Variants in CSMD1 observed in about 807,000 individuals in gnomAD.
CSMD1 encodes CUB and Sushi multiple domains 1.
In CSMD1, 213 loss-of-function variants were observed where a neutral mutation model predicts 417.5. That is an observed-to-expected ratio of 0.51 (90% CI 0.46 to 0.57). CSMD1 has a LOEUF of 0.57. CSMD1 is among the 20% of genes least tolerant of loss of function. The pLI, the probability that CSMD1 is intolerant of heterozygous loss-of-function variation, is 0.00. For missense variants in CSMD1, 6,923 were observed against 4,529.7 expected (o/e 1.53, Z -15.17); for synonymous variants, 2,862 against 1,736.8 (o/e 1.65, Z -16.11).
chr8:4,183,877 T>C (rs571293310), intron 3 of CSMD1, among the ~76,000 whole-genome samples: 4 of 152,210 alleles, frequency 2.6e-5, no homozygotes, highest in South Asian at 2.1e-4. Flanking sequence ...AGTTTTTTAG[T>C]TGGGGCATGT....
At chr8:3,976,734 G>C (rs1364881440) in intron 5 of CSMD1, among the ~76,000 whole-genome samples, 3 of 152,084 alleles carry the variant, frequency 2.0e-5, no homozygotes, top group Non-Finnish European at 4.4e-5. Context: ...CCTATGAAGT[G>C]GGCCCCATTA....
intron 26 of CSMD1, among the ~76,000 whole-genome samples, chr8:3,270,268 G>A (rs908451337): frequency 5.9e-5 from 9 of 151,970 alleles, no homozygotes; most frequent in Admixed American, 5.2e-4. Flanking sequence ...ATGTTGGCCA[G>A]GCTGGCCTTG....
intron 1 of CSMD1, among the ~76,000 whole-genome samples, chr8:4,784,958 T>TAAA (rs144402924): frequency 2.0e-5 from 3 of 152,188 alleles, no homozygotes; most frequent in East Asian, 1.9e-4. Flanking sequence ...TCATAAGTGG[T>TAAA]AAAAAAATGC....
At chr8:3,244,232 T>G (rs151216720) in intron 26 of CSMD1, among the ~76,000 whole-genome samples, 1 of 152,314 alleles carries the variant, frequency 6.6e-6, no homozygotes, top group East Asian at 1.9e-4. Context: ...GGTGGAACAC[T>G]TTTTATTCTT....
intron 3 of CSMD1, among the ~76,000 whole-genome samples, chr8:4,291,144 G>C (rs1442808500): frequency 6.6e-6 from 1 of 151,920 alleles, no homozygotes; most frequent in African/African-American, 2.4e-5. Flanking sequence ...GTCTTAATAT[G>C]GTTTGGGGAT....
At chr8:3,473,786 A>G (rs893143356) in intron 11 of CSMD1, among the ~76,000 whole-genome samples, 1 of 152,162 alleles carries the variant, frequency 6.6e-6, no homozygotes, top group Non-Finnish European at 1.5e-5. Flanking sequence ...CTATGAAGAT[A>G]TTATCCAAGA....
At chr8:4,659,964 G>C (rs764481251) in intron 1 of CSMD1, among the ~76,000 whole-genome samples, 1 of 151,810 alleles carries the variant, frequency 6.6e-6, no homozygotes, top group Non-Finnish European at 1.5e-5. Flanking sequence ...GAATGAAGAA[G>C]AATTTCCTCA....
chr8:3,118,909 G>A lies in CSMD1; in HGVS notation c.6242-322C>T, dbSNP rs182875732. ...TAAGAAAGTAATACAGGCTGGGAGC[G>A]GTGGCTCACGCCTGTAATCCCAGCA... is the stretch of plus-strand genomic sequence containing the variant. On this transcript the variant is annotated intron_variant, in intron 41 of 69. Transcript: ENST00000635120. Among the ~76,000 whole-genome samples the A allele has an allele frequency of 8.5e-5, 13 of 152,256 alleles. No homozygotes were observed. The East Asian group carries it at 1.7e-3, about 20-fold the overall frequency.
chr8:4,920,929 AG>A (rs59049236), intron 1 of CSMD1, among the ~76,000 whole-genome samples: 31 of 63,490 alleles, frequency 4.9e-4, no homozygotes, highest in South Asian at 7.5e-4. Context: ...AAGAAAAGAA[AG>A]AGAGAAAGAA....
intron 1 of CSMD1, among the ~76,000 whole-genome samples, chr8:4,896,738 G>A (rs1010257993): frequency 1.3e-5 from 2 of 151,984 alleles, no homozygotes; most frequent in Non-Finnish European, 2.9e-5. Context: ...GGAGTCCTCC[G>A]ATTCTAAGCA....
chr8:4,904,567 CA>C (rs1001582668), intron 1 of CSMD1, among the ~76,000 whole-genome samples: 1 of 152,054 alleles, frequency 6.6e-6, no homozygotes, highest in African/African-American at 2.4e-5. Flanking sequence ...CACAGAATAT[CA>C]TTAAACACAT....
chr8:4,689,826 T>C (rs527280900), intron 1 of CSMD1, among the ~76,000 whole-genome samples: 172 of 152,258 alleles, frequency 1.1e-3, no homozygotes, highest in South Asian at 2.9e-3. Flanking sequence ...CAAAAGTCCC[T>C]TTCTGGTGCC....
chr8:3,556,547 CACA>C (rs747170022), intron 10 of CSMD1, among the ~76,000 whole-genome samples: 30 of 56,604 alleles, frequency 5.3e-4, no homozygotes, highest in Admixed American at 3.2e-3. Context: ...CACACACACA[CACA>C]CCCTCTCTCT....
intron 5 of CSMD1, among the ~76,000 whole-genome samples, chr8:3,973,763 T>A (rs1360077047): frequency 2.0e-5 from 3 of 152,324 alleles, no homozygotes; most frequent in East Asian, 3.9e-4. Flanking sequence ...AACCAACCAG[T>A]GTTTCATTAT....
chr8:3,526,215 C>A (rs192842917), intron 10 of CSMD1, among the ~76,000 whole-genome samples: 3 of 152,038 alleles, frequency 2.0e-5, no homozygotes, highest in Non-Finnish European at 4.4e-5. Context: ...AAGACTACAT[C>A]GTTTTTCCTT....
In CSMD1 at chr8:4,680,440, T is replaced by G. The variant is rs188221166; in HGVS notation, c.86-42882A>C. Among the ~76,000 whole-genome samples the G allele has an allele frequency of 2.2e-4, 33 of 152,288 alleles. 1 individual carries two copies. Among genetic ancestry groups the G allele is most frequent in the African/African-American group, 7.7e-4 (32 of 41,572 alleles). ...CCCTTTGAAACTACATTGAGTGACG[T>G]ACCATGTTCTCATCATCGTACCTTC... On this transcript the variant is annotated intron_variant, in intron 1 of 69. Coordinates refer to ENST00000635120, the MANE Select transcript of CSMD1 (RefSeq NM_033225.6).
intron 3 of CSMD1, among the ~76,000 whole-genome samples, chr8:4,350,618 T>C (rs1329727709): frequency 6.6e-6 from 1 of 152,134 alleles, no homozygotes; most frequent in Non-Finnish European, 1.5e-5. Context: ...AAAACTGACC[T>C]GGGCAATGGG....
intron 3 of CSMD1, among the ~76,000 whole-genome samples, chr8:4,370,512 G>A (rs934268505): frequency 6.6e-6 from 1 of 152,126 alleles, no homozygotes; most frequent in Non-Finnish European, 1.5e-5. Context: ...GGATTTCCAT[G>A]GACTATATGT....
chr8:3,784,886 T>C (rs1026765349), intron 5 of CSMD1, among the ~76,000 whole-genome samples: 10 of 152,236 alleles, frequency 6.6e-5, no homozygotes, highest in Non-Finnish European at 1.3e-4. Context: ...TTGCTTAAAA[T>C]TGTACTTTAC....
Sources: allele counts gnomAD v4.1 joint callset (sites outside exome capture counted in the v4.1 genomes callset), GRCh38; gene constraint gnomAD v4.1.1; transcripts MANE v1.5; gene names NCBI Gene and HGNC (gene_info 2026-07-23, HGNC 2026-07-21).